The following TMX1 variants were observed in gnomAD, a reference collection of about 807,000 sequenced individuals.
TMX1 encodes thioredoxin-related transmembrane protein 1.
In TMX1, 25 loss-of-function variants were observed where a neutral mutation model predicts 36.6. The ratio of observed to expected loss-of-function variants is 0.68; its 90% CI spans 0.50 to 0.95. The LOEUF (loss-of-function observed/expected upper bound fraction) is 0.95. Ranked by LOEUF, TMX1 falls within the 40% of genes least tolerant of loss-of-function variation. The pLI is 0.00. For missense variants in TMX1, 347 were observed against 339.6 expected, an observed-to-expected ratio of 1.02 and a Z score of -0.17; for synonymous variants, 133 against 118.0, an observed-to-expected ratio of 1.13 and a Z score of -0.82.
chr14:51,253,751 T>C (rs1436284682), intron 7 of TMX1, among the ~76,000 whole-genome samples: 1 of 152,168 alleles, frequency 6.6e-6, no homozygotes, highest in Non-Finnish European at 1.5e-5. Context: ...ATCATACATA[T>C]GGGGGATGAG....
intron 3 of TMX1, 188 bp downstream of exon 3, chr14:51,245,546 C>T (rs376859329): frequency 7.2e-7 from 1 of 1,387,350 alleles, no homozygotes. Context: ...ATGTGTGAAA[C>T]AGTCTCTGTT....
intron 6 of TMX1, 42 bp downstream of exon 6, chr14:51,249,611 A>T (rs757163137): frequency 3.1e-6 from 5 of 1,597,840 alleles, no homozygotes; most frequent in East Asian, 2.2e-5. Flanking sequence ...AAAGATATTT[A>T]AAAATGTGAT....
rs144868592 is a variant in TMX1, at chr14:51,248,866, A to T, written c.444-460A>T. ...ACTAATGCTCTTGTAAATTTTAATT[A>T]ATTTCAATAAAAAAGAGGGATAGTT... is the stretch of plus-strand genomic sequence containing the variant. On this transcript the variant is annotated intron_variant, in intron 4 of 7. Transcript: ENST00000457354. Among the ~76,000 whole-genome samples the T allele has an allele frequency of 1.3e-3, 201 of 152,342 alleles. 1 individual carries two copies. Among genetic ancestry groups the T allele is most frequent in the African/African-American group, 4.7e-3 (197 of 41,584 alleles).
At chr14:51,246,310 T>G (rs2065785462) in intron 3 of TMX1, among the ~76,000 whole-genome samples, 1 of 152,152 alleles carries the variant, frequency 6.6e-6, no homozygotes, top group Non-Finnish European at 1.5e-5. Context: ...TTCTCCTGTT[T>G]CCTGCCTGTC....
intron 7 of TMX1, among the ~76,000 whole-genome samples, chr14:51,250,472 A>G (rs1033701010): frequency 8.5e-6 from 1 of 117,476 alleles, no homozygotes; most frequent in Non-Finnish European, 1.8e-5. Flanking sequence ...TCCTTCATTT[A>G]TTATGTCTTT....
At position 51,243,986 on chromosome 14, in the gene TMX1, T is replaced by C. The variant is rs553075121; in HGVS notation, c.268+15T>C. On this transcript the variant is annotated intron_variant, in intron 2 of 7. Transcript: ENST00000457354. The stretch of plus-strand genomic sequence containing the variant: ...AGAGCAGCCAGGTACTGTAAGTCTT[T>C]GGTTAGTTTTGTTTCTTTGCTGTTT... 6.3e-7 allele frequency: 1 copy of C among 1,585,908 alleles called. No homozygotes were observed. The highest frequency in any genetic ancestry group is 1.2e-5 in the South Asian group (1 of 85,508).
At chr14:51,250,761 G>C (rs1425534458) in intron 7 of TMX1, among the ~76,000 whole-genome samples, 1 of 152,192 alleles carries the variant, frequency 6.6e-6, no homozygotes, top group African/African-American at 2.4e-5. Flanking sequence ...AAAGTGCTGG[G>C]ATTACAGGCG....
In TMX1 at chr14:51,256,127, G is replaced by A. The variant is rs1046780921; in HGVS notation, c.*1608G>A. On this transcript the variant is annotated 3_prime_UTR_variant, in exon 8 of 8. Transcript: ENST00000457354. The stretch of plus-strand genomic sequence containing the variant: ...TTTAACGATGTTCAGATGAGTAGTT[G>A]TGTGTTCCTATATATGTACTTGATA... The A allele has an allele frequency of 1.3e-5, 2 of 152,462 alleles. No individual in the cohort carries two copies. Among genetic ancestry groups the A allele is most frequent in the Non-Finnish European group, 2.9e-5 (2 of 67,972 alleles). 9.4% of individuals were successfully genotyped at this position (152,462 alleles called of 1,614,324 possible).
chr14:51,254,017 A>G, intron 7 of TMX1: 1 of 178,572 alleles, frequency 5.6e-6, no homozygotes, highest in Non-Finnish European at 1.2e-5. Flanking sequence ...CTACCATTGG[A>G]CCAACCAGTT....
At chr14:51,249,291 T>G in intron 4 of TMX1, 35 bp from the exon 5 acceptor site, 2 of 1,540,688 alleles carry the variant, frequency 1.3e-6, no homozygotes, top group South Asian at 1.2e-5. Flanking sequence ...TCTGTGTATG[T>G]TACTCAGTTT....
chr14:51,245,203 T>C, intron 2 of TMX1, 110 bp from the exon 3 acceptor site: 2 of 1,255,028 alleles, frequency 1.6e-6, no homozygotes, highest in Non-Finnish European at 2.3e-6. Flanking sequence ...AACTATTAGG[T>C]ATAATTTCAT....
intron 7 of TMX1, 112 bp downstream of exon 7, chr14:51,249,877 A>T: frequency 3.9e-6 from 3 of 778,638 alleles, no homozygotes; most frequent in South Asian, 4.0e-5. Context: ...CTAACTGTGG[A>T]TTGTTGGTCT....
At chr14:51,250,665 G>T (rs941743197) in intron 7 of TMX1, among the ~76,000 whole-genome samples, 6 of 152,070 alleles carry the variant, frequency 3.9e-5, no homozygotes, top group African/African-American at 1.4e-4. Context: ...CTAATTTTTT[G>T]TGTTTTTAGT....
At chr14:51,244,986 A>C (rs888908215) in intron 2 of TMX1, among the ~76,000 whole-genome samples, 1 of 152,082 alleles carries the variant, frequency 6.6e-6, no homozygotes, top group African/African-American at 2.4e-5. Context: ...AGACCCTATT[A>C]CCTTGTGCTC....
At position 51,249,734 on chromosome 14, in the gene TMX1, G is replaced by T; in HGVS notation, c.633G>T (p.Arg211Ser). The T allele has an allele frequency of 6.2e-7, 1 of 1,613,434 alleles. No homozygotes were observed. Among genetic ancestry groups the T allele is most frequent in the Non-Finnish European group, 8.5e-7 (1 of 1,179,620 alleles). ...CAGATTGCCTTTGTCCTTCAAAAAG[G>T]CGCAGACCACAGCCGTACCCATACC... is the stretch of plus-strand genomic sequence containing the variant. Reference protein sequence around the residue: ...FVADCLCPSKRRRPQPYPYPS... With the variant: ...FVADCLCPSKSRRPQPYPYPS... The change falls in exon 7 of 8, where the codon AGG becomes AGT. Residue 211 changes from arginine to serine, a missense_variant. Arg to Ser is a moderately radical substitution (Grantham distance 110). Coordinates refer to ENST00000457354, the MANE Select transcript of TMX1 (RefSeq NM_030755.5).
chr14:51,240,264 C>T lies in TMX1; in HGVS notation c.-29C>T, dbSNP rs748149113. 3 of 1,602,822 alleles carry T rather than the reference C, an allele frequency of 1.9e-6. No homozygotes were observed. Among genetic ancestry groups the T allele is most frequent in the East Asian group, 2.2e-5 (1 of 44,816 alleles). ...AGGGCGGAAGTGGGAGCTGCGACCG[C>T]GCTCCCTGTGAGGTGGGCAAGCGGC... On this transcript the variant is annotated 5_prime_UTR_variant, in exon 1 of 8. Coordinates refer to ENST00000457354, the MANE Select transcript of TMX1 (RefSeq NM_030755.5).
chr14:51,246,988 C>A, intron 3 of TMX1, 104 bp from the exon 4 acceptor site: 1 of 1,045,476 alleles, frequency 9.6e-7, no homozygotes, highest in Non-Finnish European at 1.3e-6. Context: ...ATTGCTAATG[C>A]TTTTGAATGT....
intron 7 of TMX1, among the ~76,000 whole-genome samples, 160 bp from the exon 8 acceptor site, chr14:51,254,181 T>G (rs151219842): frequency 5.9e-5 from 9 of 152,258 alleles, no homozygotes; most frequent in African/African-American, 1.7e-4. Flanking sequence ...ATATTCATGG[T>G]TTTTTTTATC....
Position 51,240,340 on chromosome 14 carries a change from G to A in TMX1, c.48G>A (p.Leu16=), listed in dbSNP as rs1425499284. Residue 16 remains leucine, a synonymous_variant, in exon 1 of 8, where the codon CTG becomes CTA. Transcript: ENST00000457354. ...SLAVPLAVLV[L]LLWGAPWTHG... ...CAGTTCCCCTGGCAGTCCTGGTGCT[G>A]TTGCTTTGGGGTGCTCCCTGGACGC... 1 of 1,613,740 alleles carries A rather than the reference G, an allele frequency of 6.2e-7. No homozygotes were observed. Among genetic ancestry groups the A allele is most frequent in the Non-Finnish European group, 8.5e-7 (1 of 1,180,024 alleles).
Sources: gnomAD v4.1 joint callset for allele counts (sites outside exome capture counted in the v4.1 genomes callset) on GRCh38, gnomAD v4.1.1 for gene constraint, MANE v1.5 for transcripts, NCBI Gene and HGNC (gene_info 2026-07-23, HGNC 2026-07-21) for gene names.